The following HRH1 variants were observed in gnomAD, a reference collection of about 807,000 sequenced individuals.
HRH1 encodes the protein histamine receptor H1, also known as histamine H1 receptor.
HRH1 carries 6 observed loss-of-function variants against 10.3 expected under a neutral mutation model. The observed-to-expected ratio is 0.58, with a 90% CI of 0.32 to 1.15. The LOEUF is 1.15. Ranked by LOEUF, HRH1 falls within the 50% of genes most tolerant of loss-of-function variation. The probability of loss-of-function intolerance (pLI) is 0.05; values close to 1 mark genes in which losing one functional copy is unlikely to be tolerated. For missense variants in HRH1, 514 were observed against 615.3 expected (o/e 0.84, Z 1.74); for synonymous variants, 242 against 236.7 (o/e 1.02, Z -0.21).
At chr3:11,197,267 A>G (rs879485088) in intron 1 of HRH1, among the ~76,000 whole-genome samples, 1 of 152,110 alleles carries the variant, frequency 6.6e-6, no homozygotes, top group African/African-American at 2.4e-5. Flanking sequence ...ATGTTCCTAT[A>G]ACTTCCCTTG....
In HRH1 at chr3:11,235,583, C is replaced by T. The variant is rs1939159107; in HGVS notation, c.-35-23420C>T. 1.3e-5 allele frequency among the ~76,000 whole-genome samples: 2 copies of T among 152,238 alleles called. 1 individual carries two copies. Among genetic ancestry groups the T allele is most frequent in the South Asian group, 4.1e-4 (2 of 4,834 alleles). On this transcript the variant is annotated intron_variant, in intron 1 of 1. Coordinates refer to ENST00000431010, the MANE Select transcript of HRH1 (RefSeq NM_001098212.2). ...GTGCCTCCTCACTGCTCCCCATGCA[C>T]CCCTACTGACACCATGGGGGTGGGT...
chr3:11,234,342 C>G (rs369755354), intron 1 of HRH1: 60 of 1,592,870 alleles, frequency 3.8e-5, no homozygotes, highest in Non-Finnish European at 4.9e-5. Context: ...TCTCTTTCCT[C>G]TTCCTCATCC....
chr3:11,208,760 G>A (rs544877063), intron 1 of HRH1, among the ~76,000 whole-genome samples: 1 of 152,322 alleles, frequency 6.6e-6, no homozygotes, highest in Admixed American at 6.5e-5. Context: ...CGGTGTTCTT[G>A]TGTGCTAACA....
intron 1 of HRH1, among the ~76,000 whole-genome samples, chr3:11,240,183 T>C (rs552243452): frequency 6.6e-6 from 1 of 152,180 alleles, no homozygotes; most frequent in Admixed American, 6.5e-5. Context: ...AGGTGTCCAC[T>C]CCTGGGTCAT....
chr3:11,231,992 T>A (rs978544703), intron 1 of HRH1, among the ~76,000 whole-genome samples: 1 of 150,752 alleles, frequency 6.6e-6, no homozygotes, highest in Non-Finnish European at 1.5e-5. Context: ...CATTTTGAGT[T>A]AATTTTTTTT....
At chr3:11,252,157 G>A (rs1939669340) in intron 1 of HRH1, among the ~76,000 whole-genome samples, 1 of 152,218 alleles carries the variant, frequency 6.6e-6, no homozygotes, top group African/African-American at 2.4e-5. Context: ...TTTTGTATGA[G>A]AGTTCTGTTT....
At chr3:11,166,246 G>A (rs1021267976) in intron 1 of HRH1, among the ~76,000 whole-genome samples, 4 of 152,160 alleles carry the variant, frequency 2.6e-5, no homozygotes, top group Non-Finnish European at 5.9e-5. Context: ...AACAACATGA[G>A]TGAGTGCTAA....
At chr3:11,245,143 T>C (rs1250988478) in intron 1 of HRH1, among the ~76,000 whole-genome samples, 1 of 152,068 alleles carries the variant, frequency 6.6e-6, no homozygotes, top group Non-Finnish European at 1.5e-5. Flanking sequence ...ACTTGAGGCC[T>C]GGAGTTTCAG....
intron 1 of HRH1, among the ~76,000 whole-genome samples, chr3:11,143,719 C>G (rs906025058): frequency 6.6e-6 from 1 of 152,142 alleles, no homozygotes; most frequent in African/African-American, 2.4e-5. Context: ...TCATCTCCCC[C>G]ACATTCTCCA....
chr3:11,234,210 G>A (rs1939114524), intron 1 of HRH1: 3 of 1,269,460 alleles, frequency 2.4e-6, no homozygotes, highest in Admixed American at 4.6e-5. Flanking sequence ...TTTGCAAAAG[G>A]TCCACTCCAA....
intron 1 of HRH1, among the ~76,000 whole-genome samples, chr3:11,229,803 C>T (rs115165063): frequency 0.017 from 2,633 of 152,026 alleles, 86 homozygotes; most frequent in African/African-American, 0.058. Flanking sequence ...GTTTTTCATA[C>T]GTGGTAGTGA....
At chr3:11,169,942 C>G (rs1937119817) in intron 1 of HRH1, among the ~76,000 whole-genome samples, 1 of 152,202 alleles carries the variant, frequency 6.6e-6, no homozygotes, top group African/African-American at 2.4e-5. Flanking sequence ...CCCTCTGGGA[C>G]ACTGTCCCGC....
Position 11,261,354 on chromosome 3 carries a change from T to G in HRH1, c.*853T>G, listed in dbSNP as rs1271559802. 6.0e-6 allele frequency: 1 copy of G among 167,096 alleles called. No individual in the cohort carries two copies. Among genetic ancestry groups the G allele is most frequent in the East Asian group, 1.9e-4 (1 of 5,198 alleles). 10.4% of individuals were successfully genotyped at this position (167,096 alleles called of 1,614,324 possible). On this transcript the variant is annotated 3_prime_UTR_variant, in exon 2 of 2. Transcript: ENST00000431010. ...ATATTTTTGAGGGCTGTACTAGGTTTATCTCATTTAAGCCCCACAACACCC... is the reference window on the plus strand; with the variant it reads ...ATATTTTTGAGGGCTGTACTAGGTTGATCTCATTTAAGCCCCACAACACCC...
chr3:11,163,908 C>A (rs564679435), intron 1 of HRH1, among the ~76,000 whole-genome samples: 4 of 152,166 alleles, frequency 2.6e-5, no homozygotes, highest in Non-Finnish European at 5.9e-5. Context: ...CACCCCCAGA[C>A]TCACATCTTC....
chr3:11,244,342 C>A (rs1391966513), intron 1 of HRH1, among the ~76,000 whole-genome samples: 1 of 152,202 alleles, frequency 6.6e-6, no homozygotes, highest in East Asian at 1.9e-4. Flanking sequence ...ACAAAGGAGT[C>A]TGGGAAATGT....
At chr3:11,157,499 G>A (rs1016589500) in intron 1 of HRH1, among the ~76,000 whole-genome samples, 12 of 152,178 alleles carry the variant, frequency 7.9e-5, no homozygotes, top group Non-Finnish European at 1.5e-5. Flanking sequence ...ATCTCGGGAT[G>A]TAATTATAAT....
intron 1 of HRH1, chr3:11,252,560 C>G (rs1470290104): frequency 6.6e-6 from 1 of 152,214 alleles, no homozygotes; most frequent in African/African-American, 2.4e-5. Context: ...TCTTTCCACT[C>G]AAAGGCAAGT....
intron 1 of HRH1, among the ~76,000 whole-genome samples, chr3:11,237,664 CTTTTTTTTTTTTTTTT>C (rs376450222): frequency 3.6e-5 from 3 of 83,088 alleles, no homozygotes; most frequent in African/African-American, 1.4e-4. Flanking sequence ...TTTTCTTTTC[CTTTTTTTTTTTTTTTT>C]TTTTTTTTTT....
intron 1 of HRH1, among the ~76,000 whole-genome samples, chr3:11,187,041 G>A (rs1034382901): frequency 2.0e-5 from 3 of 152,144 alleles, no homozygotes; most frequent in Non-Finnish European, 4.4e-5. Flanking sequence ...GTACTGGAAG[G>A]TATGACGTTC....
Sources: allele counts gnomAD v4.1 joint callset (sites outside exome capture counted in the v4.1 genomes callset), GRCh38; gene constraint gnomAD v4.1.1; transcripts MANE v1.5; gene names NCBI Gene and HGNC (gene_info 2026-07-23, HGNC 2026-07-21).